Variants in ADAMTSL1 observed in about 807,000 individuals in gnomAD.
ADAMTSL1 encodes the protein ADAMTS like 1.
In ADAMTSL1, 126 loss-of-function variants were observed where a neutral mutation model predicts 201.8. That is an observed-to-expected ratio of 0.62 (90% CI 0.54 to 0.72). ADAMTSL1 has a LOEUF of 0.72. Ranked by LOEUF, ADAMTSL1 falls within the 30% of genes least tolerant of loss-of-function variation. The probability of loss-of-function intolerance (pLI) is 0.00; values close to 1 mark genes in which losing one functional copy is unlikely to be tolerated. For synonymous variants in ADAMTSL1, 1,121 were observed against 903.4 expected (o/e 1.24, Z -4.32); for missense variants, 2,679 against 2,277.8 (o/e 1.18, Z -3.59).
At chr9:18,399,769 G>A (rs1035047339) in intron 2 of ADAMTSL1, among the ~76,000 whole-genome samples, 3 of 152,130 alleles carry the variant, frequency 2.0e-5, no homozygotes, top group African/African-American at 7.2e-5. Flanking sequence ...TGAAGATTTT[G>A]CAGCCATGGA....
Position 18,291,747 on chromosome 9 carries a change from TCACACA to T in ADAMTSL1, c.207+127793_207+127798del, listed in dbSNP as rs368988848. On this transcript the variant is annotated intron_variant, in intron 2 of 29. Transcript: ENST00000680146. The stretch of plus-strand genomic sequence containing the variant: ...CTCTCTCTCTCTCTCTCTCTCTCTC[TCACACA>T]CACACACACACACACACACACACAC... Among the ~76,000 whole-genome samples, 652 of 99,784 alleles carry T rather than the reference TCACACA, an allele frequency of 6.5e-3. 3 individuals carry two copies. Among genetic ancestry groups the T allele is most frequent in the Middle Eastern group, 0.032 (6 of 190 alleles). 65.5% of individuals were successfully genotyped at this position (99,784 alleles called of 152,430 possible).
At chr9:18,267,792 A>AAAAAAAAAT (rs1832189887) in intron 2 of ADAMTSL1, among the ~76,000 whole-genome samples, 1 of 150,544 alleles carries the variant, frequency 6.6e-6, no homozygotes, top group Admixed American at 6.6e-5. Context: ...AAAAACAAAA[A>AAAAAAAAAT]AACCTTAATC....
intron 2 of ADAMTSL1, among the ~76,000 whole-genome samples, chr9:18,356,300 C>T (rs550410445): frequency 5.6e-4 from 85 of 152,232 alleles, no homozygotes; most frequent in African/African-American, 1.9e-3. Flanking sequence ...GCTGTTCTTT[C>T]AGGCTTCGGG....
chr9:18,821,021 G>C (rs1013359830), intron 21 of ADAMTSL1, among the ~76,000 whole-genome samples: 1 of 152,164 alleles, frequency 6.6e-6, no homozygotes, highest in African/African-American at 2.4e-5. Context: ...AGGAGGTGTG[G>C]GTAGGCAGGG....
intron 7 of ADAMTSL1, among the ~76,000 whole-genome samples, chr9:18,646,005 T>C (rs942101810): frequency 2.6e-5 from 4 of 152,188 alleles, no homozygotes; most frequent in Admixed American, 2.6e-4. Flanking sequence ...ATGATACTGA[T>C]TCTTCCTATC....
At chr9:17,908,138 C>T (rs780830856) in intron 1 of ADAMTSL1, among the ~76,000 whole-genome samples, 1 of 152,264 alleles carries the variant, frequency 6.6e-6, no homozygotes, top group Admixed American at 6.5e-5. Flanking sequence ...TTACTCTCAT[C>T]AGTAGTAGAA....
Position 18,751,708 on chromosome 9 carries a change from A to G in ADAMTSL1, c.2007-1590A>G, listed in dbSNP as rs148612493. On this transcript the variant is annotated intron_variant, in intron 15 of 28. Transcript: ENST00000380548. ...AGGTAGAATAACTGTAATACAACTGAGAAAATGGTCAGTGTCTGGAGCAAG... is the reference window on the plus strand; with the variant it reads ...AGGTAGAATAACTGTAATACAACTGGGAAAATGGTCAGTGTCTGGAGCAAG... 1.7e-3 allele frequency among the ~76,000 whole-genome samples: 263 copies of G among 152,342 alleles called. 1 individual carries two copies. Among genetic ancestry groups the G allele is most frequent in the Non-Finnish European group, 1.8e-3 (124 of 68,034 alleles).
At chr9:18,773,467 C>T (rs1820809081) in intron 17 of ADAMTSL1, among the ~76,000 whole-genome samples, 1 of 152,146 alleles carries the variant, frequency 6.6e-6, no homozygotes, top group African/African-American at 2.4e-5. Flanking sequence ...AGCCTAATTA[C>T]TTTGTTAAAA....
chr9:17,972,445 A>C (rs973785763), intron 1 of ADAMTSL1, among the ~76,000 whole-genome samples: 25 of 151,448 alleles, frequency 1.7e-4, no homozygotes, highest in Non-Finnish European at 3.4e-4. Flanking sequence ...TAGTTTGCTG[A>C]GAATGATGGT....
chr9:18,378,699 T>G (rs1019835282), intron 2 of ADAMTSL1, among the ~76,000 whole-genome samples: 1 of 152,212 alleles, frequency 6.6e-6, no homozygotes, highest in African/African-American at 2.4e-5. Flanking sequence ...ATGCCCACTT[T>G]AGATCCTTAC....
rs192320075 is a variant in ADAMTSL1, at chr9:17,908,753, C to T, written c.87+1831C>T. 1.3e-3 allele frequency among the ~76,000 whole-genome samples: 195 copies of T among 152,302 alleles called. 6 individuals carry two copies. In the South Asian group the frequency reaches 0.036, roughly 28 times the overall value. On this transcript the variant is annotated intron_variant, in intron 1 of 29. Coordinates refer to the ADAMTSL1 transcript ENST00000680146. ...GATTACAGGCGTGAGCCACTGCTCC[C>T]GGCCAATGTGACTTGTTTTATAGAA...
In ADAMTSL1 at chr9:18,886,152, G is replaced by A. The variant is rs1367437327; in HGVS notation, c.4250-1679G>A. On this transcript the variant is annotated intron_variant, in intron 23 of 28. Coordinates refer to ENST00000380548, the MANE Select transcript of ADAMTSL1 (RefSeq NM_001040272.6). The stretch of plus-strand genomic sequence containing the variant: ...AAAATATGTATGTGTATATATACAT[G>A]TGAGTGTGTATGTGTATATATATAT... 3.6e-5 allele frequency among the ~76,000 whole-genome samples: 4 copies of A among 109,862 alleles called. No homozygotes were observed. The East Asian group carries it at 7.4e-4, about 20-fold the overall frequency. 72.1% of individuals were successfully genotyped at this position (109,862 alleles called of 152,430 possible). A position where few individuals can be genotyped will look rare whatever the true frequency, so the allele number is the denominator to read the frequency against.
rs116801223 is a variant in ADAMTSL1 at position 18,777,403 on chromosome 9, G to A, written c.3174G>A (p.Pro1058=). Residue 1058 remains proline (P), a synonymous_variant, in exon 19 of 29, where the codon CCG becomes CCA. Coordinates refer to ENST00000380548, the MANE Select transcript of ADAMTSL1 (RefSeq NM_001040272.6). ...GGAACACGACCTCGGAGGAGGACCC[G>A]GGTGCAGAGCAAGTGCTCCTGCACC... ...AERNTTSEED[P]GAEQVLLHLP... 1,094 of 1,602,454 alleles carry A rather than the reference G, an allele frequency of 6.8e-4. 8 individuals are homozygous for A. In the African/African-American group the frequency reaches 0.013, roughly 19 times the overall value.
intron 1 of ADAMTSL1, among the ~76,000 whole-genome samples, chr9:18,035,995 C>A (rs1248126314): frequency 3.9e-5 from 6 of 152,098 alleles, no homozygotes; most frequent in Admixed American, 3.9e-4. Flanking sequence ...AAAGCCTACA[C>A]CAACATTACA....
At chr9:18,075,728 G>A (rs938299507) in intron 1 of ADAMTSL1, among the ~76,000 whole-genome samples, 5 of 152,208 alleles carry the variant, frequency 3.3e-5, no homozygotes, top group African/African-American at 9.7e-5. Context: ...CACCCTGGGA[G>A]GGCTGTGTAA....
intron 2 of ADAMTSL1, among the ~76,000 whole-genome samples, chr9:18,215,902 G>A (rs2132335637): frequency 6.6e-6 from 1 of 152,254 alleles, no homozygotes; most frequent in African/African-American, 2.4e-5. Flanking sequence ...CTCACCAAAT[G>A]TTGGAATTTT....
intron 21 of ADAMTSL1, among the ~76,000 whole-genome samples, chr9:18,824,879 G>A (rs1588172348): frequency 6.6e-6 from 1 of 151,810 alleles, no homozygotes; most frequent in Non-Finnish European, 1.5e-5. Context: ...TGTATTTTTA[G>A]TAGAGACAGG....
At chr9:18,319,645 CT>C (rs1834545107) in intron 2 of ADAMTSL1, among the ~76,000 whole-genome samples, 1 of 152,106 alleles carries the variant, frequency 6.6e-6, no homozygotes, top group Non-Finnish European at 1.5e-5. Flanking sequence ...GGGTCTGACC[CT>C]TAAAAGAAGA....
At chr9:18,515,748 C>T (rs1323050409) in intron 2 of ADAMTSL1, among the ~76,000 whole-genome samples, 2 of 152,068 alleles carry the variant, frequency 1.3e-5, no homozygotes, top group Non-Finnish European at 2.9e-5. Flanking sequence ...TGGGGATTGC[C>T]CTAGGTACTA....
Sources: gnomAD v4.1 joint callset for allele counts (sites outside exome capture counted in the v4.1 genomes callset) on GRCh38, gnomAD v4.1.1 for gene constraint, MANE v1.5 for transcripts, NCBI Gene and HGNC (gene_info 2026-07-23, HGNC 2026-07-21) for gene names.